NEGR1: variants seen among roughly 807,000 people sequenced by gnomAD.
The protein encoded by NEGR1 is IgLON family member 4.
NEGR1 carries 10 observed loss-of-function variants against 40.9 expected under a neutral mutation model. That is an observed-to-expected ratio of 0.24 (90% confidence interval 0.15 to 0.42). The LOEUF is 0.42. Ranked by LOEUF, NEGR1 falls within the 10% of genes least tolerant of loss-of-function variation. The pLI is 1.00. For missense variants in NEGR1, 352 were observed against 438.9 expected (o/e 0.80, Z 1.77); for synonymous variants, 185 against 166.8 (o/e 1.11, Z -0.84).
At chr1:71,658,843 A>G (rs955713146) in intron 4 of NEGR1, among the ~76,000 whole-genome samples, 3 of 152,194 alleles carry the variant, frequency 2.0e-5, no homozygotes, top group African/African-American at 7.2e-5. Flanking sequence ...ATGTAAAAAC[A>G]TTATTGTAGG....
At chr1:71,808,790 C>A (rs12141391) in intron 2 of NEGR1, among the ~76,000 whole-genome samples, 2,802 of 151,958 alleles carry the variant, frequency 0.018, 35 homozygotes, top group Non-Finnish European at 0.028. Flanking sequence ...GGTAGACACC[C>A]AAAAAGGAAT....
At chr1:72,228,565 C>G (rs1654263241) in intron 1 of NEGR1, among the ~76,000 whole-genome samples, 1 of 152,074 alleles carries the variant, frequency 6.6e-6, no homozygotes, top group African/African-American at 2.4e-5. Flanking sequence ...CCTATTGGTT[C>G]TGTTTCTATG....
chr1:71,509,111 G>C (rs573991811), intron 6 of NEGR1, among the ~76,000 whole-genome samples: 3 of 152,168 alleles, frequency 2.0e-5, no homozygotes, highest in Non-Finnish European at 2.9e-5. Flanking sequence ...TGCCTGGGTC[G>C]AATGGATCAA....
intron 1 of NEGR1, among the ~76,000 whole-genome samples, chr1:72,265,016 C>A (rs970671700): frequency 2.7e-5 from 4 of 150,642 alleles, no homozygotes; most frequent in Non-Finnish European, 6.0e-5. Flanking sequence ...ATTTAACTGT[C>A]ATTTCTTCAT....
At chr1:71,917,417 G>T (rs949481073) in intron 2 of NEGR1, among the ~76,000 whole-genome samples, 10 of 152,094 alleles carry the variant, frequency 6.6e-5, no homozygotes, top group African/African-American at 2.2e-4. Context: ...CTGTGAATTT[G>T]AAGGGTTCAG....
intron 1 of NEGR1, among the ~76,000 whole-genome samples, chr1:72,209,315 C>T (rs1653515859): frequency 6.6e-6 from 1 of 151,618 alleles, no homozygotes; most frequent in South Asian, 2.1e-4. Context: ...AAATATTTAT[C>T]ATATCTTTCA....
intron 5 of NEGR1, among the ~76,000 whole-genome samples, chr1:71,600,996 A>G (rs1570090717): frequency 6.6e-6 from 1 of 152,150 alleles, no homozygotes; most frequent in South Asian, 2.1e-4. Flanking sequence ...TTCACTCTTT[A>G]TCTTGTTGTC....
intron 6 of NEGR1, among the ~76,000 whole-genome samples, chr1:71,499,287 A>T (rs980715949): frequency 1.3e-5 from 2 of 151,822 alleles, no homozygotes; most frequent in African/African-American, 4.8e-5. Context: ...GGACCAGATT[A>T]TATTTCAATA....
intron 2 of NEGR1, among the ~76,000 whole-genome samples, chr1:71,932,020 G>A (rs923062261): frequency 6.6e-6 from 1 of 151,942 alleles, no homozygotes; most frequent in African/African-American, 2.4e-5. Flanking sequence ...AAGTCTATTA[G>A]TCAGTTTCAA....
intron 2 of NEGR1, among the ~76,000 whole-genome samples, chr1:71,895,434 C>T (rs907953480): frequency 6.6e-6 from 1 of 152,116 alleles, no homozygotes; most frequent in African/African-American, 2.4e-5. Flanking sequence ...AATGCCATTC[C>T]CATTAGTACC....
intron 4 of NEGR1, among the ~76,000 whole-genome samples, chr1:71,680,279 AT>A (rs1179667602): frequency 6.6e-6 from 1 of 152,220 alleles, no homozygotes; most frequent in East Asian, 1.9e-4. Flanking sequence ...ATTTTAATCA[AT>A]GACTCCATAT....
At chr1:71,563,164 CAT>C (rs1648514425) in intron 6 of NEGR1, among the ~76,000 whole-genome samples, 2 of 152,024 alleles carry the variant, frequency 1.3e-5, no homozygotes, top group East Asian at 3.9e-4. Flanking sequence ...CTCCATGAAA[CAT>C]ATTGGAATAG....
At chr1:71,832,792 C>T (rs908961022) in intron 2 of NEGR1, among the ~76,000 whole-genome samples, 2 of 151,938 alleles carry the variant, frequency 1.3e-5, no homozygotes, top group African/African-American at 2.4e-5. Flanking sequence ...AAGTGCATTG[C>T]CATGATTACA....
intron 3 of NEGR1, among the ~76,000 whole-genome samples, chr1:71,720,148 A>C (rs990430948): frequency 6.6e-6 from 1 of 152,210 alleles, no homozygotes; most frequent in Admixed American, 6.5e-5. Context: ...GCAGCAATTA[A>C]TTTTTTAAAA....
intron 6 of NEGR1, among the ~76,000 whole-genome samples, chr1:71,456,175 C>T (rs1569894445): frequency 6.6e-6 from 1 of 152,130 alleles, no homozygotes; most frequent in Admixed American, 6.5e-5. Context: ...TATGTTGAGA[C>T]TTTAAGCAAA....
intron 5 of NEGR1, among the ~76,000 whole-genome samples, chr1:71,602,303 A>G (rs1439908675): frequency 2.9e-5 from 1 of 34,608 alleles, no homozygotes; most frequent in Non-Finnish European, 4.7e-5. Flanking sequence ...GCTGGAGTGC[A>G]GTGGCGGGAT....
chr1:71,804,386 A>T (rs1657675809), intron 2 of NEGR1, among the ~76,000 whole-genome samples: 2 of 152,300 alleles, frequency 1.3e-5, no homozygotes, highest in South Asian at 4.1e-4. Flanking sequence ...CTGGCCTCAT[A>T]GCACAGTGTA....
intron 4 of NEGR1, among the ~76,000 whole-genome samples, chr1:71,677,013 T>A (rs959129257): frequency 6.6e-6 from 1 of 152,190 alleles, no homozygotes; most frequent in African/African-American, 2.4e-5. Flanking sequence ...TATGACCAAC[T>A]ATGTGTGAGT....
intron 6 of NEGR1, among the ~76,000 whole-genome samples, chr1:71,491,376 T>C (rs1034796847): frequency 6.7e-6 from 1 of 150,272 alleles, no homozygotes; most frequent in African/African-American, 2.4e-5. Flanking sequence ...GGGACAATTG[T>C]ACTGAATGCA....
Sources: allele counts gnomAD v4.1 joint callset (sites outside exome capture counted in the v4.1 genomes callset), GRCh38; gene constraint gnomAD v4.1.1; transcripts MANE v1.5; gene names NCBI Gene and HGNC (gene_info 2026-07-23, HGNC 2026-07-21).